Variants in KCNH5 observed in about 807,000 individuals in gnomAD.
KCNH5 encodes the protein voltage-gated delayed rectifier potassium channel KCNH5.
KCNH5 carries 46 observed loss-of-function variants against 96.1 expected under a neutral mutation model. That is an observed-to-expected ratio of 0.48 (90% CI 0.38 to 0.61). The LOEUF (loss-of-function observed/expected upper bound fraction) is 0.61, where lower values mean the gene tolerates loss of function less well. Ranked by LOEUF, KCNH5 falls within the 20% of genes least tolerant of loss-of-function variation. The probability of loss-of-function intolerance (pLI) is 0.00; values close to 1 mark genes in which losing one functional copy is unlikely to be tolerated. For synonymous variants in KCNH5, 439 were observed against 449.8 expected (o/e 0.98, Z 0.30); for missense variants, 907 against 1,225.8 (o/e 0.74, Z 3.88).
intron 7 of KCNH5, among the ~76,000 whole-genome samples, chr14:62,939,376 A>G (rs1418728443): frequency 6.6e-6 from 1 of 152,074 alleles, no homozygotes; most frequent in African/African-American, 2.4e-5. Flanking sequence ...CTTTCTATAC[A>G]TTGTTATTCC....
chr14:62,928,558 C>T (rs190261927), intron 7 of KCNH5, among the ~76,000 whole-genome samples: 37 of 152,130 alleles, frequency 2.4e-4, no homozygotes, highest in African/African-American at 8.4e-4. Context: ...CCCCATTTTA[C>T]CGATGCGGTA....
intron 7 of KCNH5, among the ~76,000 whole-genome samples, chr14:62,862,647 G>A (rs557810512): frequency 5.9e-5 from 9 of 152,274 alleles, no homozygotes; most frequent in Non-Finnish European, 1.3e-4. Flanking sequence ...AAGACTTGAA[G>A]TTTTTGCCTT....
chr14:62,714,143 G>A (rs1884634153), intron 10 of KCNH5, among the ~76,000 whole-genome samples: 1 of 144,174 alleles, frequency 6.9e-6, no homozygotes, highest in South Asian at 2.3e-4. Context: ...AAAAAAAATA[G>A]ATATGCATGG....
intron 8 of KCNH5, among the ~76,000 whole-genome samples, chr14:62,840,071 G>T (rs982469658): frequency 6.6e-6 from 1 of 152,048 alleles, no homozygotes; most frequent in African/African-American, 2.4e-5. Flanking sequence ...TAAGAGCAGG[G>T]ATTATGTTTA....
chr14:62,800,605 C>T (rs1031206608), intron 9 of KCNH5, among the ~76,000 whole-genome samples: 2 of 152,154 alleles, frequency 1.3e-5, no homozygotes, highest in African/African-American at 2.4e-5. Context: ...TCATGTAATA[C>T]ATTTGATATT....
chr14:62,888,904 G>A (rs1888649615), intron 7 of KCNH5, among the ~76,000 whole-genome samples: 1 of 152,164 alleles, frequency 6.6e-6, no homozygotes, highest in Admixed American at 6.5e-5. Context: ...TACTGAAGTT[G>A]CTCTCCGATA....
chr14:62,966,225 G>C (rs919650919), intron 6 of KCNH5, among the ~76,000 whole-genome samples: 5 of 152,148 alleles, frequency 3.3e-5, no homozygotes, highest in Non-Finnish European at 4.4e-5. Flanking sequence ...ATTTGTATCT[G>C]CAATACTGAT....
At position 63,003,614 on chromosome 14, in the gene KCNH5, A is replaced by ACATAATATATATATTTATATATTTATATT. The variant is rs1272522940; in HGVS notation, c.305-2156_305-2155insAATATAAATATATAAATATATATATTATG. ...TATATTTATATATTTATATTTATAT[A>ACATAATATATATATTTATATATTTATATT]TATATATATATTTTTTTTTTTTTGA... On this transcript the variant is annotated intron_variant, in intron 3 of 10. Coordinates refer to ENST00000322893, the MANE Select transcript of KCNH5 (RefSeq NM_139318.5). Among the ~76,000 whole-genome samples the ACATAATATATATATTTATATATTTATATT allele has an allele frequency of 1.2e-3, 135 of 113,702 alleles. 1 individual carries two copies. In the East Asian group the frequency reaches 0.017, roughly 15 times the overall value. The allele number at this position is 113,702 out of a possible 152,430, so 74.6% of individuals were successfully genotyped here.
At chr14:62,800,682 T>G (rs1468653139) in intron 9 of KCNH5, among the ~76,000 whole-genome samples, 2 of 152,292 alleles carry the variant, frequency 1.3e-5, no homozygotes, top group East Asian at 3.9e-4. Context: ...GCCTTGTATT[T>G]TATCCTCTTC....
At position 62,700,611 on chromosome 14, in the gene KCNH5, A is replaced by C. The variant is rs1884332527; in HGVS notation, c.*6897T>G. On this transcript the variant is annotated 3_prime_UTR_variant, in exon 11 of 11. Transcript: ENST00000322893. ...TGAAAGTGCGTTTGGATTTTGTGTAAGTTGACAGTTCATGGCTGTGACATA... is the reference window on the plus strand; with the variant it reads ...TGAAAGTGCGTTTGGATTTTGTGTACGTTGACAGTTCATGGCTGTGACATA... The C allele has an allele frequency of 6.6e-6, 1 of 152,238 alleles. No individual in the cohort carries two copies. The highest frequency in any genetic ancestry group is 2.4e-5 in the African/African-American group (1 of 41,470). 9.4% of individuals were successfully genotyped at this position (152,238 alleles called of 1,614,324 possible).
chr14:62,819,816 C>T (rs1043112905), intron 8 of KCNH5, among the ~76,000 whole-genome samples: 4 of 152,210 alleles, frequency 2.6e-5, no homozygotes, highest in South Asian at 2.1e-4. Context: ...CATGTGTGCA[C>T]GTGTATATAC....
chr14:63,020,592 C>A (rs1891407533), intron 1 of KCNH5, among the ~76,000 whole-genome samples: 1 of 151,876 alleles, frequency 6.6e-6, no homozygotes, highest in Admixed American at 6.6e-5. Context: ...ATAGGGAAAA[C>A]TAATATTATA....
chr14:62,976,522 G>A (rs1041960036), intron 6 of KCNH5, among the ~76,000 whole-genome samples: 3 of 151,934 alleles, frequency 2.0e-5, no homozygotes, highest in African/African-American at 7.3e-5. Flanking sequence ...ATCATAATAG[G>A]AAAAAATATC....
chr14:62,854,939 A>T (rs1378238472), intron 7 of KCNH5, among the ~76,000 whole-genome samples: 1 of 150,130 alleles, frequency 6.7e-6, no homozygotes, highest in African/African-American at 2.4e-5. Flanking sequence ...CAAGGTCTAT[A>T]TTCTGATCCC....
rs1891901443 is a variant in KCNH5, at chr14:63,045,210, A to C, written c.-24T>G. On this transcript the variant is annotated 5_prime_UTR_variant, in exon 1 of 11. Coordinates refer to ENST00000322893, the MANE Select transcript of KCNH5 (RefSeq NM_139318.5). ...ATCCTGGGTCTGGAGAGCAGCGGCC[A>C]GGATCCGCGGCGGGGGAGGGGGGGA... The C allele has an allele frequency of 6.2e-7, 1 of 1,603,126 alleles. No homozygotes were observed. Among genetic ancestry groups the C allele is most frequent in the Non-Finnish European group, 8.5e-7 (1 of 1,172,092 alleles).
intron 10 of KCNH5, among the ~76,000 whole-genome samples, chr14:62,774,763 AAT>A (rs1416936704): frequency 2.6e-5 from 4 of 152,126 alleles, no homozygotes; most frequent in African/African-American, 4.8e-5. Flanking sequence ...CCCTTTTCTG[AAT>A]ATGTTTAAAC....
chr14:62,966,879 A>T (rs1890314758), intron 6 of KCNH5, among the ~76,000 whole-genome samples: 1 of 152,064 alleles, frequency 6.6e-6, no homozygotes, highest in Non-Finnish European at 1.5e-5. Context: ...ACCTTATATC[A>T]AACTTTCGAT....
At chr14:62,716,687 C>T (rs1409049991) in intron 10 of KCNH5, among the ~76,000 whole-genome samples, 2 of 152,160 alleles carry the variant, frequency 1.3e-5, no homozygotes, top group Non-Finnish European at 2.9e-5. Flanking sequence ...GGGCCTCTAA[C>T]ATCATACTTT....
intron 7 of KCNH5, among the ~76,000 whole-genome samples, chr14:62,901,067 C>T (rs189196029): frequency 5.3e-5 from 8 of 152,188 alleles, no homozygotes; most frequent in African/African-American, 1.9e-4. Flanking sequence ...CGGCTCAATA[C>T]AACCTCCGCC....
Sources: allele counts gnomAD v4.1 joint callset (sites outside exome capture counted in the v4.1 genomes callset), GRCh38; gene constraint gnomAD v4.1.1; transcripts MANE v1.5; gene names NCBI Gene and HGNC (gene_info 2026-07-23, HGNC 2026-07-21).